Variants in PIK3C2G observed in about 807,000 individuals in gnomAD.
PIK3C2G encodes phosphatidylinositol 3-kinase C2 domain-containing subunit gamma.
Under a neutral mutation model 181.1 loss-of-function variants are expected in PIK3C2G, and 168 were observed. The ratio of observed to expected loss-of-function variants is 0.93; its 90% CI spans 0.82 to 1.05. The LOEUF is 1.05. Ranked by LOEUF, PIK3C2G falls within the 50% of genes least tolerant of loss-of-function variation. PIK3C2G has a pLI of 0.00. For missense variants in PIK3C2G, 1,869 were observed against 1,732.8 expected, an observed-to-expected ratio of 1.08 and a Z score of -1.40; for synonymous variants, 573 against 592.2, an observed-to-expected ratio of 0.97 and a Z score of 0.47.
At chr12:18,556,163 T>A (rs1267213476) in intron 26 of PIK3C2G, among the ~76,000 whole-genome samples, 1 of 152,176 alleles carries the variant, frequency 6.6e-6, no homozygotes, top group Non-Finnish European at 1.5e-5. Flanking sequence ...TCCCAGCTGC[T>A]GCTTTATTCC....
chr12:18,683,969 A>G, the PIK3C2G span, among the ~76,000 whole-genome samples: 1 of 151,974 alleles, frequency 6.6e-6, no homozygotes, highest in Non-Finnish European at 1.5e-5. Context: ...ACATGAGAAC[A>G]CATTTTTATA....
intron 8 of PIK3C2G, among the ~76,000 whole-genome samples, chr12:18,329,601 G>T (rs994336587): frequency 6.6e-6 from 1 of 151,936 alleles, no homozygotes; most frequent in Admixed American, 6.6e-5. Flanking sequence ...CCATGTGGTT[G>T]TTATTAGTTC....
rs191742872 is a variant in PIK3C2G, at chr12:18,387,285, T to C, written c.1996-3837T>C. On this transcript the variant is annotated intron_variant, in intron 14 of 32. Coordinates refer to ENST00000538779, the MANE Select transcript of PIK3C2G (RefSeq NM_001288772.2). ...TTTATACAGTCACAAGGGTGATTCT[T>C]CTAAAACTTAAATCTGAACCTGCCA... is the stretch of plus-strand genomic sequence containing the variant. Among the ~76,000 whole-genome samples, 39 of 152,306 alleles carry C rather than the reference T, an allele frequency of 2.6e-4. No homozygotes were observed. In the East Asian group the frequency reaches 5.4e-3, roughly 21 times the overall value.
At chr12:18,401,742 C>G (rs188734684) in intron 16 of PIK3C2G, among the ~76,000 whole-genome samples, 1 of 151,912 alleles carries the variant, frequency 6.6e-6, no homozygotes, top group South Asian at 2.1e-4. Flanking sequence ...ACACAAATGC[C>G]GAACATTTAC....
chr12:18,571,748 A>G (rs550795284), intron 29 of PIK3C2G, among the ~76,000 whole-genome samples: 5 of 150,808 alleles, frequency 3.3e-5, no homozygotes, highest in South Asian at 2.1e-4. Context: ...TTCCATTTCA[A>G]TGATCACTCT....
intron 14 of PIK3C2G, among the ~76,000 whole-genome samples, chr12:18,387,176 T>C (rs1458652489): frequency 6.6e-6 from 1 of 152,208 alleles, no homozygotes; most frequent in Non-Finnish European, 1.5e-5. Context: ...ATTTATATTC[T>C]ATATTTTTAT....
chr12:18,717,466 C>A, the PIK3C2G span, among the ~76,000 whole-genome samples: 1 of 152,174 alleles, frequency 6.6e-6, no homozygotes, highest in African/African-American at 2.4e-5. Flanking sequence ...GTAATGCTAT[C>A]TAATCATTTG....
At chr12:18,292,050 A>C (rs1485197872) in intron 4 of PIK3C2G, among the ~76,000 whole-genome samples, 1 of 150,752 alleles carries the variant, frequency 6.6e-6, no homozygotes, top group African/African-American at 2.4e-5. Flanking sequence ...CTCTACTAAA[A>C]ATACAAAAAA....
At chr12:18,373,050 A>T (rs1317912833) in intron 13 of PIK3C2G, among the ~76,000 whole-genome samples, 1 of 152,224 alleles carries the variant, frequency 6.6e-6, no homozygotes, top group East Asian at 1.9e-4. Flanking sequence ...AAAATCAGAA[A>T]ATCTGCTTTT....
rs745816756 is a variant in PIK3C2G, at chr12:18,562,846, C to T, written c.3734C>T (p.Ser1245Leu). The change falls in exon 27 of 33, where the codon TCG (serine) becomes TTG (leucine). Residue 1245 changes from serine (S) to leucine (L), a missense_variant. Physicochemically the swap from Ser to Leu is moderately radical, Grantham distance 145. Transcript: ENST00000538779. ...TCCTGTTTGCTGAGTACAACTAGGT[C>T]GATTGAAAGAGCAACAATTTTAGGG... Reference protein sequence around the residue: ...QESCLLSTTRSIERATILGFS... With the variant: ...QESCLLSTTRLIERATILGFS... The T allele has an allele frequency of 3.1e-6, 5 of 1,606,420 alleles. No individual in the cohort carries two copies. The East Asian group carries it at 6.7e-5, about 22-fold the overall frequency.
chr12:18,624,912 G>A (rs959473660), intron 31 of PIK3C2G, among the ~76,000 whole-genome samples: 1 of 151,292 alleles, frequency 6.6e-6, no homozygotes. Context: ...ATTTTAATTT[G>A]AGTCCTCTCT....
chr12:18,609,556 A>G lies in PIK3C2G; in HGVS notation c.4109A>G (p.Lys1370Arg), dbSNP rs1208475624. The change falls in exon 31 of 33, where the codon AAG (lysine) becomes AGG (arginine). Residue 1370 changes from lysine to arginine, a missense_variant. Physicochemically the swap from Lys to Arg is conservative, Grantham distance 26. Transcript: ENST00000538779. ...TCAGGTGAGAAGTTTCCAGACAAGA[A>G]GCCTAAGGTGCAGTTAGTCATATCC... ...VYLGEKFPDK[K>R]PKVQLVISYE... 2.5e-6 allele frequency: 4 copies of G among 1,584,548 alleles called. No homozygotes were observed. The highest frequency in any genetic ancestry group is 3.4e-6 in the Non-Finnish European group (4 of 1,163,130).
At chr12:18,422,073 G>A (rs932367284) in intron 17 of PIK3C2G, among the ~76,000 whole-genome samples, 3 of 152,010 alleles carry the variant, frequency 2.0e-5, no homozygotes, top group Admixed American at 6.6e-5. Flanking sequence ...AGGAGAATAC[G>A]TTTTCACAAA....
At chr12:18,654,114 T>C in the PIK3C2G span, among the ~76,000 whole-genome samples, 2 of 151,774 alleles carry the variant, frequency 1.3e-5, no homozygotes, top group African/African-American at 4.8e-5. Flanking sequence ...TTAAAAGAAA[T>C]ATTGGGATCT....
At position 18,567,058 on chromosome 12, in the gene PIK3C2G, G is replaced by A. The variant is rs376472161; in HGVS notation, c.4011+1G>A. On this transcript the variant is annotated splice_donor_variant, in intron 29 of 32. Transcript: ENST00000538779. LOFTEE classifies it high-confidence loss of function. ...AAATGTATCACATGAAGTTACAAAC[G>A]TATGTTATAATTAATTTTTCTATTT... The A allele has an allele frequency of 5.4e-5, 66 of 1,216,090 alleles. No homozygotes were observed. Among genetic ancestry groups the A allele is most frequent in the African/African-American group, 5.4e-4 (35 of 64,916 alleles). The allele number at this position is 1,216,090 out of a possible 1,614,324, so 75.3% of individuals were successfully genotyped here. A position where few individuals can be genotyped will look rare whatever the true frequency, so the allele number is the denominator to read the frequency against.
intron 16 of PIK3C2G, among the ~76,000 whole-genome samples, chr12:18,407,038 T>G (rs1944577118): frequency 6.6e-6 from 1 of 152,100 alleles, no homozygotes; most frequent in African/African-American, 2.4e-5. Flanking sequence ...TATTTAACTT[T>G]AAAACAAAGA....
chr12:18,518,664 A>AT (rs767396083), intron 24 of PIK3C2G, among the ~76,000 whole-genome samples: 58 of 150,824 alleles, frequency 3.8e-4, no homozygotes, highest in Non-Finnish European at 7.0e-4. Flanking sequence ...TATTTTGTTA[A>AT]TTTTTTCAAA....
At chr12:18,455,820 A>C (rs1478766182) in intron 18 of PIK3C2G, among the ~76,000 whole-genome samples, 2 of 152,134 alleles carry the variant, frequency 1.3e-5, no homozygotes, top group Non-Finnish European at 2.9e-5. Flanking sequence ...ATATCATCAC[A>C]TTAGTGGTTA....
intron 14 of PIK3C2G, among the ~76,000 whole-genome samples, chr12:18,383,678 A>T (rs1191459457): frequency 6.6e-6 from 1 of 152,174 alleles, no homozygotes; most frequent in Non-Finnish European, 1.5e-5. Flanking sequence ...AGGGCACTAG[A>T]TTGTGTACCA....
Sources: allele counts gnomAD v4.1 joint callset (sites outside exome capture counted in the v4.1 genomes callset), GRCh38; gene constraint gnomAD v4.1.1; transcripts MANE v1.5; gene names NCBI Gene and HGNC (gene_info 2026-07-23, HGNC 2026-07-21).